ASPH: variants seen among roughly 807,000 people sequenced by gnomAD.
ASPH encodes aspartate beta-hydroxylase, also known as aspartyl/asparaginyl beta-hydroxylase.
ASPH carries 100 observed loss-of-function variants against 118.4 expected under a neutral mutation model. That is an observed-to-expected ratio of 0.84 (90% CI 0.72 to 1.00). The LOEUF is 1.00. ASPH is among the 50% of genes least tolerant of loss of function. The pLI is 0.00. For synonymous variants in ASPH, 315 were observed against 325.6 expected (o/e 0.97, Z 0.35); for missense variants, 920 against 919.5 (o/e 1.00, Z -0.01).
At chr8:61,606,431 G>T (rs1178177089) in intron 14 of ASPH, 1 of 152,102 alleles carries the variant, frequency 6.6e-6, no homozygotes, top group African/African-American at 2.4e-5. Context: ...TATATAAAGG[G>T]TATCAATTAA....
At chr8:61,652,429 G>T (rs1341313681) in intron 4 of ASPH, among the ~76,000 whole-genome samples, 2 of 152,170 alleles carry the variant, frequency 1.3e-5, no homozygotes, top group African/African-American at 4.8e-5. Flanking sequence ...TTTGAACTTA[G>T]TGAGGACTCC....
intron 21 of ASPH, among the ~76,000 whole-genome samples, chr8:61,539,699 G>GGAGTGTGTGTGTGTGTGTGTGTGT (rs1554618405): frequency 8.1e-6 from 1 of 124,214 alleles, no homozygotes. Flanking sequence ...ACACTTCTGG[G>GGAGTGTGTGTGTGTGTGTGTGTGT]GTGTGTGTGT....
At chr8:61,682,724 A>G (rs1336022858) in intron 2 of ASPH, among the ~76,000 whole-genome samples, 1 of 152,160 alleles carries the variant, frequency 6.6e-6, no homozygotes, top group Non-Finnish European at 1.5e-5. Context: ...GATTACAAAT[A>G]AGCATATTTT....
chr8:61,660,358 T>C (rs6471970), intron 3 of ASPH: 127,047 of 152,106 alleles, frequency 0.84, 53,211 homozygotes, highest in African/African-American at 0.88. Context: ...TTTCAGTGCA[T>C]CAATTCCTCC....
chr8:61,676,236 A>G (rs1589063478), intron 3 of ASPH: 5 of 1,595,586 alleles, frequency 3.1e-6, no homozygotes, highest in South Asian at 2.2e-5. Context: ...AAACCATAAA[A>G]CCAATCTGAA....
At position 61,703,330 on chromosome 8, in the gene ASPH, A is replaced by G. The variant is rs1036765932; in HGVS notation, c.103+10939T>C. Among the ~76,000 whole-genome samples, 20 of 152,324 alleles carry G rather than the reference A, an allele frequency of 1.3e-4. 1 individual carries two copies. Among genetic ancestry groups the G allele is most frequent in the Admixed American group, 1.1e-3 (17 of 15,304 alleles). ...GCAAGAAAAGACTGGAAAAGAAGTA[A>G]GACTGTTTCTATTAATGGGCTTCAT... On this transcript the variant is annotated intron_variant, in intron 1 of 24. Coordinates refer to ENST00000379454, the MANE Select transcript of ASPH (RefSeq NM_004318.4).
At chr8:61,662,451 C>T (rs1251951382) in intron 3 of ASPH, among the ~76,000 whole-genome samples, 1 of 152,066 alleles carries the variant, frequency 6.6e-6, no homozygotes, top group Admixed American at 6.6e-5. Context: ...AAAAAGGTAA[C>T]CTTTCTGGTT....
Position 61,619,983 on chromosome 8 carries a change from A to G in ASPH, c.935-964T>C, listed in dbSNP as rs189305091. Among the ~76,000 whole-genome samples the G allele has an allele frequency of 6.5e-3, 992 of 152,318 alleles. 12 individuals carry two copies. The highest frequency in any genetic ancestry group is 0.023 in the African/African-American group (958 of 41,576). On this transcript the variant is annotated intron_variant, in intron 13 of 24. Coordinates refer to ENST00000379454, the MANE Select transcript of ASPH (RefSeq NM_004318.4). Reference sequence around the variant, plus strand: ...GTCGGTGAGATCAGGGATGCGGTCAAGTGAACATTGACACAGATCACTCAA... The same window carrying G: ...GTCGGTGAGATCAGGGATGCGGTCAGGTGAACATTGACACAGATCACTCAA...
In ASPH at chr8:61,576,912, C is replaced by A. The variant is rs1333194272; in HGVS notation, c.1063-54G>T. On this transcript the variant is annotated intron_variant, in intron 15 of 24. Transcript: ENST00000379454. The stretch of plus-strand genomic sequence containing the variant: ...AAATAAATTAAAATGAATAATCAAT[C>A]AATATTGTTATTTAATATTCAGCAA... The A allele has an allele frequency of 5.7e-6, 8 of 1,414,704 alleles. No individual in the cohort carries two copies. The Admixed American group carries it at 1.5e-4, about 26-fold the overall frequency. The allele number at this position is 1,414,704 out of a possible 1,614,324, so 87.6% of individuals were successfully genotyped here. A position where few individuals can be genotyped will look rare whatever the true frequency, so the allele number is the denominator to read the frequency against.
chr8:61,584,631 C>CTTT (rs1838724987), intron 14 of ASPH, among the ~76,000 whole-genome samples: 1 of 136,870 alleles, frequency 7.3e-6, no homozygotes, highest in African/African-American at 3.1e-5. Context: ...TTCTTTCTTT[C>CTTT]CTTCTTTCTT....
chr8:61,539,696 T>TGGGGG (rs200259809), intron 21 of ASPH, among the ~76,000 whole-genome samples: 1 of 33,338 alleles, frequency 3.0e-5, no homozygotes, highest in African/African-American at 7.0e-5. Flanking sequence ...CTAACACTTC[T>TGGGGG]GGGGTGTGTG....
Position 61,684,104 on chromosome 8 carries a change from A to G in ASPH, c.188T>C (p.Leu63Ser). Reference protein sequence around the residue: ...SFFTWFMVIALLGVWTSVAVV... With the variant: ...SFFTWFMVIASLGVWTSVAVV... ...AGCTACAGATGTCCAGACGCCCAGCAATGCAATCACCATAAACCACGTGAA... is the reference window on the plus strand; with the variant it reads ...AGCTACAGATGTCCAGACGCCCAGCGATGCAATCACCATAAACCACGTGAA... Residue 63 changes from leucine (L) to serine (S), a missense_variant, in exon 2 of 25, where the codon TTG (leucine) becomes TCG (serine). Physicochemically the swap from Leu to Ser is moderately radical, Grantham distance 145. Coordinates refer to ENST00000379454, the MANE Select transcript of ASPH (RefSeq NM_004318.4). 6.2e-7 allele frequency: 1 copy of G among 1,613,858 alleles called. No homozygotes were observed. Among genetic ancestry groups the G allele is most frequent in the Admixed American group, 1.7e-5 (1 of 59,964 alleles).
At chr8:61,686,222 A>G (rs1363772418) in intron 1 of ASPH, among the ~76,000 whole-genome samples, 1 of 152,202 alleles carries the variant, frequency 6.6e-6, no homozygotes, top group Non-Finnish European at 1.5e-5. Flanking sequence ...AACGTAATTT[A>G]TGTATTAAAT....
chr8:61,583,250 GTTATTATTATTA>G (rs35890350), intron 15 of ASPH: 3 of 149,542 alleles, frequency 2.0e-5, no homozygotes, highest in Non-Finnish European at 4.4e-5. Flanking sequence ...ACTTGACAGT[GTTATTATTATTA>G]TTATTATTAT....
chr8:61,650,455 G>C (rs893246688), intron 5 of ASPH, among the ~76,000 whole-genome samples: 1 of 152,086 alleles, frequency 6.6e-6, no homozygotes, highest in African/African-American at 2.4e-5. Flanking sequence ...TTGGGATCAC[G>C]ATCTCTGTTT....
At chr8:61,613,294 A>C (rs1054374093) in intron 14 of ASPH, among the ~76,000 whole-genome samples, 1 of 152,220 alleles carries the variant, frequency 6.6e-6, no homozygotes, top group Non-Finnish European at 1.5e-5. Flanking sequence ...AAGGAAAAGT[A>C]ATTCTGCCTC....
Position 61,646,799 on chromosome 8 carries a change from A to C in ASPH, c.570T>G (p.Thr190=), listed in dbSNP as rs775111169. 20 of 1,613,914 alleles carry C rather than the reference A, an allele frequency of 1.2e-5. No homozygotes were observed. Among genetic ancestry groups the C allele is most frequent in the Non-Finnish European group, 1.4e-5 (17 of 1,179,938 alleles). ...GGGTCTCAAATCTATCATCTACATC[A>C]GTCGCCATAAGAAACTCATCATCCT... The part of the protein sequence containing the change: ...QQEDDEFLMA[T]DVDDRFETLE... The change falls in exon 6 of 25, where the codon ACT becomes ACG. Residue 190 remains threonine, a synonymous_variant. Transcript: ENST00000379454.
chr8:61,545,936 A>G (rs1244912758), intron 21 of ASPH, among the ~76,000 whole-genome samples: 3 of 152,226 alleles, frequency 2.0e-5, no homozygotes, highest in Non-Finnish European at 2.9e-5. Context: ...CTTAGATGAT[A>G]GAGAGGTACA....
intron 3 of ASPH, among the ~76,000 whole-genome samples, chr8:61,655,661 T>C (rs1404903813): frequency 6.6e-6 from 1 of 152,206 alleles, no homozygotes; most frequent in East Asian, 1.9e-4. Flanking sequence ...ACAATGCCCC[T>C]GAGAGTCAGC....
Sources: gnomAD v4.1 joint callset for allele counts (sites outside exome capture counted in the v4.1 genomes callset) on GRCh38, gnomAD v4.1.1 for gene constraint, MANE v1.5 for transcripts, NCBI Gene and HGNC (gene_info 2026-07-23, HGNC 2026-07-21) for gene names.